The following KCNN2 variants were observed in gnomAD, a reference collection of about 807,000 sequenced individuals.
KCNN2 encodes small conductance calcium-activated potassium channel protein 2.
KCNN2 carries 24 observed loss-of-function variants against 55.5 expected under a neutral mutation model. The observed-to-expected ratio is 0.43, with a 90% CI of 0.31 to 0.61. The LOEUF (loss-of-function observed/expected upper bound fraction) is 0.61. Ranked by LOEUF, KCNN2 falls within the 20% of genes least tolerant of loss-of-function variation. The pLI is 0.08. For synonymous variants in KCNN2, 431 were observed against 336.1 expected (o/e 1.28, Z -3.09); for missense variants, 754 against 853.6 (o/e 0.88, Z 1.45).
chr5:114,417,299 A>G (rs1759335234), intron 3 of KCNN2, among the ~76,000 whole-genome samples: 1 of 152,194 alleles, frequency 6.6e-6, no homozygotes, highest in South Asian at 2.1e-4. Context: ...GAAGGGAATG[A>G]GTATTCTTAT....
At chr5:114,295,046 A>G (rs890426906) in intron 2 of KCNN2, among the ~76,000 whole-genome samples, 1 of 151,614 alleles carries the variant, frequency 6.6e-6, no homozygotes, top group African/African-American at 2.4e-5. Context: ...CTCCATCCCT[A>G]TGATTGTTCC....
chr5:114,479,840 A>C (rs1311377411), intron 5 of KCNN2, among the ~76,000 whole-genome samples: 1 of 152,202 alleles, frequency 6.6e-6, no homozygotes, highest in Admixed American at 6.5e-5. Flanking sequence ...TAATGAGAAC[A>C]AAGAGGCAAC....
At chr5:114,348,906 G>T (rs556710008) in intron 2 of KCNN2, among the ~76,000 whole-genome samples, 5 of 152,158 alleles carry the variant, frequency 3.3e-5, no homozygotes, top group African/African-American at 1.2e-4. Flanking sequence ...TCTTAAGATA[G>T]AATTTACATA....
Position 114,232,170 on chromosome 5 carries a change from G to A in KCNN2, c.-185+10605G>A, listed in dbSNP as rs1032967366. 2.7e-5 allele frequency among the ~76,000 whole-genome samples: 4 copies of A among 150,880 alleles called. 1 individual carries two copies. Among genetic ancestry groups the A allele is most frequent in the African/African-American group, 9.9e-5 (4 of 40,280 alleles). On this transcript the variant is annotated intron_variant, in intron 2 of 10. Coordinates refer to the KCNN2 transcript ENST00000512097. Reference sequence around the variant, plus strand: ...TGATTGTTTCGAGTTGAAATAGAATGTGGCACATAGGAGTAAATTATTCAG... The same window carrying A: ...TGATTGTTTCGAGTTGAAATAGAATATGGCACATAGGAGTAAATTATTCAG...
At chr5:114,056,315 A>G (rs1580470520) in exon 1 of KCNN2, 1 of 398,446 alleles carries the variant, frequency 2.5e-6, no homozygotes, top group African/African-American at 2.1e-5. Context: ...CCCGAGAGGC[A>G]GATGGTCCTG....
At chr5:114,424,629 G>C (rs768597285) in intron 3 of KCNN2, among the ~76,000 whole-genome samples, 3 of 152,204 alleles carry the variant, frequency 2.0e-5, no homozygotes, top group African/African-American at 4.8e-5. Context: ...GGAGAGGCCA[G>C]GCACTGGAAA....
At chr5:114,469,664 A>T (rs1191792037) in intron 4 of KCNN2, among the ~76,000 whole-genome samples, 1 of 152,168 alleles carries the variant, frequency 6.6e-6, no homozygotes, top group Non-Finnish European at 1.5e-5. Context: ...TATTCACTTT[A>T]TGAAACGGAA....
At chr5:114,224,152 G>C (rs1431488408) in intron 2 of KCNN2, among the ~76,000 whole-genome samples, 1 of 152,134 alleles carries the variant, frequency 6.6e-6, no homozygotes. Context: ...CCACAGAACT[G>C]TGGTTTTCAG....
chr5:114,114,372 C>T (rs77257130), intron 1 of KCNN2, among the ~76,000 whole-genome samples: 2,297 of 152,124 alleles, frequency 0.015, 68 homozygotes, highest in African/African-American at 0.053. Context: ...GGATGATAGT[C>T]ATGCACCACT....
intron 2 of KCNN2, among the ~76,000 whole-genome samples, chr5:114,245,409 A>G (rs751418853): frequency 5.9e-5 from 9 of 152,228 alleles, no homozygotes; most frequent in Non-Finnish European, 1.0e-4. Context: ...ATGCTTTCAC[A>G]TATATTATTT....
intron 2 of KCNN2, among the ~76,000 whole-genome samples, chr5:114,302,478 T>C (rs1580707460): frequency 6.6e-6 from 1 of 152,068 alleles, no homozygotes; most frequent in African/African-American, 2.4e-5. Flanking sequence ...GGAATAACAG[T>C]TATAATGGAA....
chr5:114,426,802 A>G (rs1003971452), intron 3 of KCNN2, among the ~76,000 whole-genome samples: 11 of 152,288 alleles, frequency 7.2e-5, no homozygotes, highest in African/African-American at 2.6e-4. Context: ...CGGACTGCTC[A>G]TAGTATATTA....
At chr5:114,468,479 T>C (rs767265692) in intron 4 of KCNN2, among the ~76,000 whole-genome samples, 12 of 152,196 alleles carry the variant, frequency 7.9e-5, no homozygotes, top group Non-Finnish European at 1.8e-4. Context: ...TGTTTTATTT[T>C]TACATAAAAG....
intron 2 of KCNN2, among the ~76,000 whole-genome samples, chr5:114,327,434 G>A (rs1756734029): frequency 6.6e-6 from 1 of 152,126 alleles, no homozygotes; most frequent in African/African-American, 2.4e-5. Context: ...TTTTTGATCT[G>A]TTAACACAGA....
intron 2 of KCNN2, among the ~76,000 whole-genome samples, chr5:114,375,953 T>C (rs1304865158): frequency 6.1e-5 from 1 of 16,280 alleles, no homozygotes; most frequent in African/African-American, 2.2e-4. Flanking sequence ...ACTCACAGTG[T>C]ATATATATAT....
At chr5:114,189,264 A>G (rs923968500) in intron 1 of KCNN2, among the ~76,000 whole-genome samples, 2 of 152,034 alleles carry the variant, frequency 1.3e-5, no homozygotes, top group African/African-American at 4.8e-5. Flanking sequence ...AGGAGAGTCA[A>G]TGGTACAAAC....
intron 2 of KCNN2, among the ~76,000 whole-genome samples, chr5:114,383,464 C>CTTTT (rs66787954): frequency 2.0e-4 from 21 of 102,688 alleles, no homozygotes; most frequent in Non-Finnish European, 2.4e-4. Context: ...CCACTAAATG[C>CTTTT]TTTTTTTTTT....
chr5:114,299,801 T>A lies in KCNN2; in HGVS notation c.-184-61144T>A, dbSNP rs145231414. 6.3e-3 allele frequency among the ~76,000 whole-genome samples: 955 copies of A among 152,318 alleles called. 8 individuals carry two copies. Among genetic ancestry groups the A allele is most frequent in the African/African-American group, 0.022 (917 of 41,572 alleles). The stretch of plus-strand genomic sequence containing the variant: ...CTTCTGTGCTCCTTTGAGGAGGCCA[T>A]GGCAACCCAGTTAGGTTCTGTGGGA... On this transcript the variant is annotated intron_variant, in intron 2 of 10. Transcript: ENST00000512097.
intron 1 of KCNN2, among the ~76,000 whole-genome samples, chr5:114,103,278 G>T (rs1751409805): frequency 6.6e-6 from 1 of 152,094 alleles, no homozygotes. Context: ...TTTGCAAATT[G>T]TATCCTGAGA....
Sources: allele counts gnomAD v4.1 joint callset (sites outside exome capture counted in the v4.1 genomes callset), GRCh38; gene constraint gnomAD v4.1.1; transcripts MANE v1.5; gene names NCBI Gene and HGNC (gene_info 2026-07-23, HGNC 2026-07-21).